Variants in EPB41L3 observed in about 807,000 individuals in gnomAD.
The protein encoded by EPB41L3 is erythrocyte membrane protein band 4.1 like 3.
In EPB41L3, 57 loss-of-function variants were observed where a neutral mutation model predicts 127.1. The observed-to-expected ratio is 0.45, with a 90% confidence interval of 0.36 to 0.56. The LOEUF (loss-of-function observed/expected upper bound fraction) is 0.56. EPB41L3 is among the 20% of genes least tolerant of loss of function. EPB41L3 has a pLI of 0.00. For missense variants in EPB41L3, 1,273 were observed against 1,372.2 expected (o/e 0.93, Z 1.14); for synonymous variants, 572 against 549.5 (o/e 1.04, Z -0.57).
At chr18:5,506,372 C>T (rs371857239) in intron 1 of EPB41L3, among the ~76,000 whole-genome samples, 149 of 152,282 alleles carry the variant, frequency 9.8e-4, no homozygotes, top group African/African-American at 3.5e-3. Context: ...CCCTTCTCAG[C>T]GTCCTCCCCA....
In EPB41L3 at chr18:5,428,379, G is replaced by C; in HGVS notation, c.999C>G (p.Ala333=). 6.2e-7 allele frequency: 1 copy of C among 1,614,160 alleles called. No homozygotes were observed. Among genetic ancestry groups the C allele is most frequent in the Non-Finnish European group, 8.5e-7 (1 of 1,180,038 alleles). ...YRDRLRINRF[A]WPKVLKISYK... Reference sequence around the variant, plus strand: ...ATGAAATCTTTAGAACCTTGGGCCAGGCAAATCTGTTTATTCGCAGCCGGT... The same window carrying C: ...ATGAAATCTTTAGAACCTTGGGCCACGCAAATCTGTTTATTCGCAGCCGGT... Residue 333 remains alanine (A), a synonymous_variant, in exon 9 of 23, where the codon GCC becomes GCG. Coordinates refer to ENST00000341928, the MANE Select transcript of EPB41L3 (RefSeq NM_012307.5).
At chr18:5,462,640 G>A (rs2084226713) in intron 3 of EPB41L3, among the ~76,000 whole-genome samples, 2 of 152,088 alleles carry the variant, frequency 1.3e-5, no homozygotes, top group Admixed American at 6.5e-5. Flanking sequence ...ACCCGAGGGT[G>A]GGGGATTTGT....
intron 3 of EPB41L3, among the ~76,000 whole-genome samples, chr18:5,469,588 G>C (rs138076813): frequency 3.9e-4 from 59 of 152,288 alleles, no homozygotes; most frequent in South Asian, 1.2e-3. Context: ...ACTGCAGCCT[G>C]CAAGTCGAGT....
intron 5 of EPB41L3, among the ~76,000 whole-genome samples, chr18:5,441,535 G>A (rs897351268): frequency 2.7e-5 from 4 of 148,222 alleles, no homozygotes; most frequent in African/African-American, 1.0e-4. Context: ...GCGCGATCTC[G>A]ACTCACTGCA....
chr18:5,444,905 G>A (rs143121262), intron 4 of EPB41L3, among the ~76,000 whole-genome samples: 214 of 152,102 alleles, frequency 1.4e-3, no homozygotes, highest in African/African-American at 4.9e-3. Flanking sequence ...AATAATTCAA[G>A]CATGAAAAAC....
chr18:5,437,917 C>T lies in EPB41L3; in HGVS notation c.605+118G>A. 4 of 802,658 alleles carry T rather than the reference C, an allele frequency of 5.0e-6. No homozygotes were observed. In the South Asian group the frequency reaches 5.5e-5, roughly 11 times the overall value. The allele number at this position is 802,658 out of a possible 1,614,324, so 49.7% of individuals were successfully genotyped here. On this transcript the variant is annotated intron_variant, in intron 6 of 22. Coordinates refer to ENST00000341928, the MANE Select transcript of EPB41L3 (RefSeq NM_012307.5). The stretch of plus-strand genomic sequence containing the variant: ...CTCTCGTTCATTTGCCTTTTGTTTG[C>T]CATTTGAGCGTGGATGATTGTAAGG...
intron 1 of EPB41L3, among the ~76,000 whole-genome samples, chr18:5,496,237 A>G (rs1334941368): frequency 6.6e-6 from 1 of 152,214 alleles, no homozygotes; most frequent in East Asian, 1.9e-4. Context: ...ATAGAGAGAG[A>G]TATGGTGACT....
intron 3 of EPB41L3, among the ~76,000 whole-genome samples, chr18:5,593,189 C>A (rs1056748623): frequency 1.3e-5 from 2 of 151,700 alleles, no homozygotes; most frequent in Non-Finnish European, 2.9e-5. Flanking sequence ...TAATTCCCAC[C>A]CACCTCACCC....
intron 3 of EPB41L3, among the ~76,000 whole-genome samples, chr18:5,450,433 T>C (rs995258757): frequency 2.1e-5 from 3 of 141,166 alleles, no homozygotes; most frequent in South Asian, 4.9e-4. Context: ...ATCCTTCCTG[T>C]AAGAAATAGC....
intron 1 of EPB41L3, among the ~76,000 whole-genome samples, chr18:5,496,041 T>A (rs2091142035): frequency 6.6e-6 from 1 of 152,130 alleles, no homozygotes; most frequent in Non-Finnish European, 1.5e-5. Flanking sequence ...ACTATTTGAG[T>A]CTATAAAGGT....
At chr18:5,480,561 A>T (rs564909361) in intron 2 of EPB41L3, among the ~76,000 whole-genome samples, 1 of 152,228 alleles carries the variant, frequency 6.6e-6, no homozygotes, top group Non-Finnish European at 1.5e-5. Flanking sequence ...TACCAAAATC[A>T]GCTTCATTTT....
chr18:5,395,651 T>C lies in EPB41L3; in HGVS notation c.3030A>G (p.Thr1010=). ...TGGTGGTGGTACTGGTGGTTTCAGATGTGATCGTCTGTGCACTCATCAGCA... is the reference window on the plus strand; with the variant it reads ...TGGTGGTGGTACTGGTGGTTTCAGACGTGATCGTCTGTGCACTCATCAGCA... ...PGVLMSAQTI[T]SETTSTTTTT... Residue 1010 remains threonine (T), a synonymous_variant, in exon 20 of 23, where the codon ACA becomes ACG. Transcript: ENST00000341928. 5.0e-6 allele frequency: 8 copies of C among 1,614,174 alleles called. No homozygotes were observed. Among genetic ancestry groups the C allele is most frequent in the Non-Finnish European group, 6.8e-6 (8 of 1,180,026 alleles).
intron 2 of EPB41L3, chr18:5,480,249 C>T (rs550356956): frequency 6.6e-6 from 1 of 152,008 alleles, no homozygotes; most frequent in Non-Finnish European, 1.5e-5. Flanking sequence ...AAACATGAAC[C>T]CAACACTAAG....
At chr18:5,396,482 T>C in intron 18 of EPB41L3, 150 bp from the exon 19 acceptor site, 3 of 836,548 alleles carry the variant, frequency 3.6e-6, no homozygotes, top group South Asian at 3.6e-5. Context: ...GCATACAACA[T>C]GCACATGTCA....
At chr18:5,533,864 C>A (rs910182363) in intron 1 of EPB41L3, among the ~76,000 whole-genome samples, 1 of 143,618 alleles carries the variant, frequency 7.0e-6, no homozygotes, top group Non-Finnish European at 1.5e-5. Flanking sequence ...AGTTATGGAC[C>A]AGCCATAAAG....
intron 2 of EPB41L3, among the ~76,000 whole-genome samples, chr18:5,488,118 G>A (rs1322701721): frequency 3.3e-5 from 5 of 152,094 alleles, no homozygotes; most frequent in African/African-American, 1.2e-4. Flanking sequence ...ACTTTTAAAA[G>A]TAATGCATTA....
chr18:5,545,171 G>C (rs1340333875), upstream of EPB41L3, among the ~76,000 whole-genome samples: 1 of 152,028 alleles, frequency 6.6e-6, no homozygotes, highest in South Asian at 2.1e-4. Flanking sequence ...TCTAGTCCTC[G>C]TGTTGTACAT....
intron 3 of EPB41L3, among the ~76,000 whole-genome samples, chr18:5,605,784 A>G (rs563522522): frequency 6.6e-6 from 1 of 152,234 alleles, no homozygotes; most frequent in Non-Finnish European, 1.5e-5. Context: ...TCACTCCCAT[A>G]ATATGCGAAG....
Position 5,416,062 on chromosome 18 carries a change from A to C in EPB41L3, c.1823T>G (p.Phe608Cys). 1 of 1,613,586 alleles carries C rather than the reference A, an allele frequency of 6.2e-7. No individual in the cohort carries two copies. The highest frequency in any genetic ancestry group is 1.1e-5 in the South Asian group (1 of 91,008). ...GAGGTTGGTTTCAGAAAGGTTGGGG[A>C]AAGAGAGGTATCCATCATCATCTAG... ...SLLDDDGYLS[F>C]PNLSETNLLP... is the part of the protein sequence containing the mutation. The change falls in exon 13 of 23, where the codon TTC becomes TGC. Residue 608 changes from phenylalanine to cysteine, a missense_variant. Phe to Cys is a radical substitution (Grantham distance 205). Transcript: ENST00000341928.
Sources: gnomAD v4.1 joint callset for allele counts (sites outside exome capture counted in the v4.1 genomes callset) on GRCh38, gnomAD v4.1.1 for gene constraint, MANE v1.5 for transcripts, NCBI Gene and HGNC (gene_info 2026-07-23, HGNC 2026-07-21) for gene names.